BLMH: variants seen among roughly 807,000 people sequenced by gnomAD.
BLMH encodes BLM hydrolase.
Under a neutral mutation model 61.6 loss-of-function variants are expected in BLMH, and 32 were observed. The observed-to-expected ratio is 0.52, with a 90% CI of 0.39 to 0.70. The LOEUF (loss-of-function observed/expected upper bound fraction) is 0.70. Ranked by LOEUF, BLMH falls within the 30% of genes least tolerant of loss-of-function variation. BLMH has a pLI of 0.00. For synonymous variants in BLMH, 183 were observed against 193.8 expected, an observed-to-expected ratio of 0.94 and a Z score of 0.46; for missense variants, 460 against 555.5, an observed-to-expected ratio of 0.83 and a Z score of 1.73.
intron 10 of BLMH, 101 bp from the exon 11 acceptor site, chr17:30,267,055 CTG>C: frequency 1.0e-6 from 1 of 954,886 alleles, no homozygotes; most frequent in Non-Finnish European, 1.6e-6. Context: ...AAGAAACAGC[CTG>C]CTCTATACAG....
At position 30,261,527 on chromosome 17, in the gene BLMH, T is replaced by C. The variant is rs138792403; in HGVS notation, c.1216+5358A>G. Among the ~76,000 whole-genome samples the C allele has an allele frequency of 4.1e-3, 626 of 152,356 alleles. 5 individuals are homozygous for C. The highest frequency in any genetic ancestry group is 0.014 in the African/African-American group (594 of 41,582). On this transcript the variant is annotated intron_variant, in intron 11 of 11. Transcript: ENST00000261714. ...TGCCTGCATACATTATTTCATTTGA[T>C]GGCTACATACAAACTGTAGGAGCTC...
At chr17:30,282,283 G>T (rs1335745864) in intron 6 of BLMH, among the ~76,000 whole-genome samples, 1 of 149,752 alleles carries the variant, frequency 6.7e-6, no homozygotes, top group East Asian at 1.9e-4. Flanking sequence ...GACTGCAGTG[G>T]CACAATTTTG....
intron 6 of BLMH, among the ~76,000 whole-genome samples, chr17:30,281,594 C>G (rs1908593496): frequency 1.3e-5 from 2 of 152,154 alleles, no homozygotes; most frequent in Admixed American, 1.3e-4. Context: ...GGACATTATC[C>G]CAATACTTTT....
chr17:30,274,965 C>T (rs975671060), intron 6 of BLMH, among the ~76,000 whole-genome samples: 5 of 145,264 alleles, frequency 3.4e-5, no homozygotes, highest in African/African-American at 1.3e-4. Flanking sequence ...GGTGACAGAG[C>T]AAGACCCTAT....
intron 6 of BLMH, among the ~76,000 whole-genome samples, chr17:30,282,758 C>G (rs1908627244): frequency 6.6e-6 from 1 of 152,200 alleles, no homozygotes; most frequent in Non-Finnish European, 1.5e-5. Context: ...CAAGGTTACA[C>G]AAATCATAGG....
At chr17:30,263,012 A>G (rs111295619) in intron 11 of BLMH, among the ~76,000 whole-genome samples, 1,805 of 152,178 alleles carry the variant, frequency 0.012, 37 homozygotes, top group African/African-American at 0.041. Context: ...TTTTCTCCCA[A>G]TGTCAGACAT....
chr17:30,258,222 AAAAAAAAAAAAGCCAGAGG>A (rs1907867806), intron 11 of BLMH, among the ~76,000 whole-genome samples: 1 of 143,566 alleles, frequency 7.0e-6, no homozygotes, highest in South Asian at 2.2e-4. Flanking sequence ...TTGGATGTTT[AAAAAAAAAAAAGCCAGAGG>A]AAGAGAACCA....
At position 30,287,908 on chromosome 17, in the gene BLMH, T is replaced by C; in HGVS notation, c.361A>G (p.Thr121Ala). The C allele has an allele frequency of 1.9e-6, 3 of 1,614,130 alleles. No homozygotes were observed. The highest frequency in any genetic ancestry group is 2.5e-6 in the Non-Finnish European group (3 of 1,179,990). The change falls in exon 4 of 12, where the codon ACA (threonine) becomes GCA (alanine). Residue 121 changes from threonine to alanine, a missense_variant. Physicochemically the swap from Thr to Ala is moderately conservative, Grantham distance 58. This residue lies in a region of BLMH where 14 missense variants were observed against 38.5 expected (regional missense o/e 0.36). Transcript: ENST00000261714. ...CYFFLSAFVD[T>A]AQRKEPEDGR... is the part of the protein sequence containing the mutation. ...TCCTCAGGCTCCTTTCTCTGGGCTG[T>C]GTCCACAAAAGCACTCAAGAAGAAA...
intron 6 of BLMH, among the ~76,000 whole-genome samples, chr17:30,282,682 A>T (rs527376551): frequency 1.3e-5 from 2 of 152,366 alleles, no homozygotes; most frequent in South Asian, 4.1e-4. Context: ...TTTAGCATAA[A>T]CACATTTTAT....
chr17:30,271,123 A>G, intron 10 of BLMH, 148 bp downstream of exon 10: 1 of 623,932 alleles, frequency 1.6e-6, no homozygotes, highest in Non-Finnish European at 2.8e-6. Flanking sequence ...GCCAAGCCCC[A>G]AGTGACGCAG....
At chr17:30,273,787 G>A (rs990296563) in intron 7 of BLMH, 25 of 518,078 alleles carry the variant, frequency 4.8e-5, no homozygotes, top group South Asian at 3.7e-4. Context: ...ATACAGGGGC[G>A]CATGTGGGAA....
At chr17:30,283,772 G>C (rs974468462) in intron 6 of BLMH, among the ~76,000 whole-genome samples, 3 of 151,922 alleles carry the variant, frequency 2.0e-5, no homozygotes, top group African/African-American at 7.3e-5. Context: ...CGCCCACCTT[G>C]GCCTCCCAAA....
Position 30,285,409 on chromosome 17 carries a change from T to G in BLMH, c.624A>C (p.Thr208=). Residue 208 remains threonine, a synonymous_variant, in exon 6 of 12, where the codon ACA becomes ACC. Coordinates refer to ENST00000261714, the MANE Select transcript of BLMH (RefSeq NM_000386.4). ...SGATKGEISA[T]QDVMMEEIFR... ...TTACCTCCTCCATCATGACGTCCTG[T>G]GTGGCCGAGATTTCTCCTTTGGTTG... 2 of 1,612,108 alleles carry G rather than the reference T, an allele frequency of 1.2e-6. No individual in the cohort carries two copies. Among genetic ancestry groups the G allele is most frequent in the East Asian group, 2.2e-5 (1 of 44,814 alleles).
Position 30,286,806 on chromosome 17 carries a change from T to C in BLMH, c.552+8A>G, listed in dbSNP as rs1250609384. 3.8e-6 allele frequency: 6 copies of C among 1,560,876 alleles called. No individual in the cohort carries two copies. Among genetic ancestry groups the C allele is most frequent in the Non-Finnish European group, 5.3e-6 (6 of 1,133,146 alleles). ...AAACTCAATCCCACCCTGCTTCATA[T>C]ATTGTACCTTGTGATTCAGAATATC... On this transcript the variant is annotated splice_region_variant and intron_variant, in intron 5 of 11. Transcript: ENST00000261714.
chr17:30,281,140 A>G (rs1178502017), intron 6 of BLMH, among the ~76,000 whole-genome samples: 4 of 150,024 alleles, frequency 2.7e-5, no homozygotes, highest in African/African-American at 9.9e-5. Context: ...GCAGAAAAGC[A>G]GATGCCTTCT....
Position 30,291,404 on chromosome 17 carries a change from A to G in BLMH, c.118T>C (p.Cys40Arg). Residue 40 changes from cysteine to arginine, a missense_variant, in exon 2 of 12, where the codon TGT becomes CGT. By Grantham distance (180) the Cys-to-Arg change is radical (BLOSUM62 -3). Around this residue, in one of 5 missense-constraint regions of BLMH, gnomAD observed 86 missense variants for 84.5 expected, o/e 1.02. Transcript: ENST00000261714. Reference sequence around the variant, plus strand: ...CGCTGCACCGTGGCCCGCTTCAGACAGATGTCCAGCAGGTCGTGGGTGGTC... The same window carrying G: ...CGCTGCACCGTGGCCCGCTTCAGACGGATGTCCAGCAGGTCGTGGGTGGTC... ...VGTTHDLLDI[C>R]LKRATVQRAQ... is the part of the protein sequence containing the mutation. The G allele has an allele frequency of 6.2e-7, 1 of 1,614,180 alleles. No homozygotes were observed. The highest frequency in any genetic ancestry group is 8.5e-7 in the Non-Finnish European group (1 of 1,180,040).
Position 30,272,574 on chromosome 17 carries a change from T to C in BLMH, c.1015A>G (p.Ser339Gly), listed in dbSNP as rs751808439. 1 of 1,614,182 alleles carries C rather than the reference T, an allele frequency of 6.2e-7. No individual in the cohort carries two copies. ...GKHFNSKLGLSDMNLYDHELV... is the reference protein window; with the variant it reads ...GKHFNSKLGLGDMNLYDHELV... Reference sequence around the variant, plus strand: ...TCCTGCACTCACAGATTCATGTCACTGAGGCCCAGCTTGCTATTGAAGTGT... The same window carrying C: ...TCCTGCACTCACAGATTCATGTCACCGAGGCCCAGCTTGCTATTGAAGTGT... The change falls in exon 9 of 12, where the codon AGT (serine) becomes GGT (glycine). Residue 339 changes from serine to glycine, a missense_variant. By Grantham distance (56) the Ser-to-Gly change is moderately conservative. Coordinates refer to ENST00000261714, the MANE Select transcript of BLMH (RefSeq NM_000386.4).
chr17:30,286,745 C>A, intron 5 of BLMH, 69 bp downstream of exon 5: 1 of 1,106,462 alleles, frequency 9.0e-7, no homozygotes, highest in South Asian at 1.3e-5. Context: ...TACCCAGGAA[C>A]CCCTTTTAAA....
chr17:30,284,933 G>A (rs924945791), intron 6 of BLMH, among the ~76,000 whole-genome samples: 2 of 152,140 alleles, frequency 1.3e-5, no homozygotes, highest in African/African-American at 4.8e-5. Context: ...ACTCTTTCAA[G>A]AGCTATCTTC....
Sources: allele counts gnomAD v4.1 joint callset (sites outside exome capture counted in the v4.1 genomes callset), GRCh38; gene constraint gnomAD v4.1.1; regional missense constraint gnomAD v4.1.1; transcripts MANE v1.5; gene names NCBI Gene and HGNC (gene_info 2026-07-23, HGNC 2026-07-21).